FOXN3: variants seen among roughly 807,000 people sequenced by gnomAD.
FOXN3 encodes the protein forkhead box N3.
In FOXN3, 7 loss-of-function variants were observed where a neutral mutation model predicts 38.4. The ratio of observed to expected loss-of-function variants is 0.18; its 90% CI spans 0.10 to 0.34. FOXN3 has a LOEUF of 0.34. Ranked by LOEUF, FOXN3 falls within the 10% of genes least tolerant of loss-of-function variation. The probability of loss-of-function intolerance (pLI) is 1.00; values close to 1 mark genes in which losing one functional copy is unlikely to be tolerated. For missense variants in FOXN3, 456 were observed against 613.4 expected (o/e 0.74, Z 2.71); for synonymous variants, 230 against 242.2 (o/e 0.95, Z 0.47).
chr14:89,165,583 C>T (rs563457862), intron 5 of FOXN3, among the ~76,000 whole-genome samples: 32 of 152,276 alleles, frequency 2.1e-4, no homozygotes, highest in Non-Finnish European at 4.1e-4. Flanking sequence ...TGGCCTCCTC[C>T]GTATCTGTTT....
rs1226158575 is a variant in FOXN3, at chr14:89,358,057, T to TACCAGGTCCTCTAATGCATG, written c.544-7269_544-7250dup. Among the ~76,000 whole-genome samples, 276 of 152,290 alleles carry TACCAGGTCCTCTAATGCATG rather than the reference T, an allele frequency of 1.8e-3. 1 individual carries two copies. The highest frequency in any genetic ancestry group is 6.4e-3 in the African/African-American group (265 of 41,544). Reference sequence around the variant, plus strand: ...TTTCTTAAACAACTTCTCTTTCTGTTACCAGGTCCTCTAATGCATGGCCAG... The same window carrying TACCAGGTCCTCTAATGCATG: ...TTTCTTAAACAACTTCTCTTTCTGTTACCAGGTCCTCTAATGCATGACCAGGTCCTCTAATGCATGGCCAG... On this transcript the variant is annotated intron_variant, in intron 2 of 5. Transcript: ENST00000557258.
chr14:89,291,212 C>T (rs777122935), intron 3 of FOXN3: 18 of 436,716 alleles, frequency 4.1e-5, no homozygotes, highest in African/African-American at 2.7e-4. Flanking sequence ...TGCTGACATC[C>T]GAGAGATGAC....
chr14:89,525,634 A>C (rs60848385), intron 1 of FOXN3, among the ~76,000 whole-genome samples: 8 of 55,994 alleles, frequency 1.4e-4, no homozygotes, highest in African/African-American at 4.4e-4. Context: ...TTTTCACTAA[A>C]AAAAAAAAAA....
intron 1 of FOXN3, among the ~76,000 whole-genome samples, chr14:89,551,434 T>A (rs1367337824): frequency 6.6e-6 from 1 of 151,308 alleles, no homozygotes. Flanking sequence ...TCTTACTAAC[T>A]AACACTTCTC....
intron 2 of FOXN3, among the ~76,000 whole-genome samples, chr14:89,404,767 C>T (rs114650766): frequency 0.047 from 7,193 of 152,010 alleles, 589 homozygotes; most frequent in African/African-American, 0.16. Context: ...CCATTTCCGA[C>T]GCTGGACAAG....
intron 3 of FOXN3, among the ~76,000 whole-genome samples, chr14:89,303,489 C>A (rs1412414699): frequency 8.7e-6 from 1 of 114,886 alleles, no homozygotes; most frequent in African/African-American, 3.2e-5. Flanking sequence ...GTTCAATAAA[C>A]ATCTGCTAAA....
intron 2 of FOXN3, among the ~76,000 whole-genome samples, chr14:89,360,621 G>T (rs1361043730): frequency 6.6e-6 from 1 of 151,318 alleles, no homozygotes; most frequent in East Asian, 1.9e-4. Flanking sequence ...AAGGAGGGAA[G>T]GAAGGAAGGC....
At chr14:89,528,158 C>G (rs1894470010) in intron 1 of FOXN3, among the ~76,000 whole-genome samples, 1 of 152,130 alleles carries the variant, frequency 6.6e-6, no homozygotes, top group African/African-American at 2.4e-5. Context: ...CCATTCCAAT[C>G]TTAGGTATAT....
At chr14:89,251,538 C>A (rs979081905) in intron 4 of FOXN3, among the ~76,000 whole-genome samples, 1 of 152,214 alleles carries the variant, frequency 6.6e-6, no homozygotes, top group African/African-American at 2.4e-5. Flanking sequence ...ACATAGCTTA[C>A]ATATAATGAT....
intron 3 of FOXN3, among the ~76,000 whole-genome samples, chr14:89,336,575 T>C (rs1486812064): frequency 6.6e-6 from 1 of 152,184 alleles, no homozygotes; most frequent in Admixed American, 6.5e-5. Context: ...AGCTCAGCCA[T>C]CTGCAAGCTG....
chr14:89,432,178 T>C lies in FOXN3; in HGVS notation c.-14-19688A>G, dbSNP rs140371140. ...TCTCTGTGGAAGGGTATAAAGGAAATATTGGTTTGAAACTAAGCCAAATGT... is the reference window on the plus strand; with the variant it reads ...TCTCTGTGGAAGGGTATAAAGGAAACATTGGTTTGAAACTAAGCCAAATGT... On this transcript the variant is annotated intron_variant, in intron 1 of 6. Transcript: ENST00000345097. 2.6e-5 allele frequency among the ~76,000 whole-genome samples: 4 copies of C among 152,260 alleles called. No homozygotes were observed. In the East Asian group the frequency reaches 5.8e-4, roughly 22 times the overall value.
intron 4 of FOXN3, among the ~76,000 whole-genome samples, chr14:89,226,150 T>C (rs1484185735): frequency 2.7e-5 from 4 of 147,468 alleles, no homozygotes; most frequent in Non-Finnish European, 4.5e-5. Context: ...AGTTGTTTTC[T>C]GACCATTGAT....
At chr14:89,268,083 C>T (rs1886038514) in intron 4 of FOXN3, among the ~76,000 whole-genome samples, 1 of 152,144 alleles carries the variant, frequency 6.6e-6, no homozygotes, top group African/African-American at 2.4e-5. Context: ...CACACACATA[C>T]AGCTACACAT....
At chr14:89,327,769 C>T (rs1888122375) in intron 3 of FOXN3, among the ~76,000 whole-genome samples, 1 of 152,188 alleles carries the variant, frequency 6.6e-6, no homozygotes. Flanking sequence ...ATAAATCCTC[C>T]TCACAAAGGC....
intron 4 of FOXN3, among the ~76,000 whole-genome samples, chr14:89,265,384 G>A (rs1224333739): frequency 1.3e-5 from 2 of 152,112 alleles, no homozygotes; most frequent in African/African-American, 4.8e-5. Flanking sequence ...GCAGCCCCTG[G>A]GGCTACAAAC....
chr14:89,283,611 C>T (rs1179567101), intron 3 of FOXN3, among the ~76,000 whole-genome samples: 1 of 151,972 alleles, frequency 6.6e-6, no homozygotes, highest in African/African-American at 2.4e-5. Flanking sequence ...AGCTCAAAAG[C>T]GGGGAGGGTG....
At chr14:89,338,753 G>T (rs1299146939) in intron 3 of FOXN3, among the ~76,000 whole-genome samples, 1 of 152,114 alleles carries the variant, frequency 6.6e-6, no homozygotes, top group East Asian at 1.9e-4. Flanking sequence ...AGGCTGCAGT[G>T]AGCCAAGATC....
intron 1 of FOXN3, among the ~76,000 whole-genome samples, chr14:89,480,098 T>C (rs1057255691): frequency 7.9e-5 from 12 of 152,196 alleles, no homozygotes; most frequent in Admixed American, 3.3e-4. Flanking sequence ...TATTTGTCAC[T>C]GACTATTGTG....
chr14:89,584,237 A>G (rs939015788), intron 1 of FOXN3, among the ~76,000 whole-genome samples: 1 of 152,058 alleles, frequency 6.6e-6, no homozygotes, highest in African/African-American at 2.4e-5. Context: ...ATCTTTACTA[A>G]AAATATTTTA....
Sources: gnomAD v4.1 joint callset for allele counts (sites outside exome capture counted in the v4.1 genomes callset) on GRCh38, gnomAD v4.1.1 for gene constraint, MANE v1.5 for transcripts, NCBI Gene and HGNC (gene_info 2026-07-23, HGNC 2026-07-21) for gene names.